MICU3: variants seen among roughly 807,000 people sequenced by gnomAD.
MICU3 encodes calcium uptake protein 3, mitochondrial.
In MICU3, 62 loss-of-function variants were observed where a neutral mutation model predicts 66.5. That is an observed-to-expected ratio of 0.93 (90% CI 0.76 to 1.15). MICU3 has a LOEUF of 1.15. MICU3 is among the 50% of genes most tolerant of loss of function. The probability of loss-of-function intolerance (pLI) is 0.00; values close to 1 mark genes in which losing one functional copy is unlikely to be tolerated. For synonymous variants in MICU3, 308 were observed against 240.7 expected, an observed-to-expected ratio of 1.28 and a Z score of -2.59; for missense variants, 779 against 664.4, an observed-to-expected ratio of 1.17 and a Z score of -1.90.
chr8:17,061,274 A>T (rs1429869472), intron 1 of MICU3, among the ~76,000 whole-genome samples: 1 of 152,172 alleles, frequency 6.6e-6, no homozygotes, highest in African/African-American at 2.4e-5. Flanking sequence ...GGTGGATCAC[A>T]TTCCCAGCTG....
At chr8:17,085,640 G>A (rs1199181114) in intron 6 of MICU3, among the ~76,000 whole-genome samples, 1 of 151,994 alleles carries the variant, frequency 6.6e-6, no homozygotes, top group Non-Finnish European at 1.5e-5. Context: ...TCCCCATTAT[G>A]TCATCCACCT....
downstream of MICU3, among the ~76,000 whole-genome samples, chr8:17,127,130 A>G (rs552523722): frequency 2.6e-5 from 4 of 152,330 alleles, no homozygotes; most frequent in African/African-American, 9.6e-5. Context: ...AGTGTATGCT[A>G]TATCATGCTT....
chr8:17,075,065 G>A (rs1490876514), intron 3 of MICU3, among the ~76,000 whole-genome samples: 1 of 152,092 alleles, frequency 6.6e-6, no homozygotes, highest in Non-Finnish European at 1.5e-5. Flanking sequence ...AGAAAATGCA[G>A]TACCTATGGT....
chr8:17,031,311 A>C (rs1188065306), intron 1 of MICU3, among the ~76,000 whole-genome samples: 4 of 115,228 alleles, frequency 3.5e-5, no homozygotes, highest in African/African-American at 1.3e-4. Context: ...ATTTTGAGAC[A>C]TAGCATCGCT....
chr8:17,102,593 C>T (rs1801362394), intron 9 of MICU3: 1 of 151,918 alleles, frequency 6.6e-6, no homozygotes, highest in Non-Finnish European at 1.5e-5. Flanking sequence ...ACTTAAAGTT[C>T]TGGGGACAGT....
At chr8:17,102,305 A>G (rs1036099831) in intron 9 of MICU3, 1 of 151,924 alleles carries the variant, frequency 6.6e-6, no homozygotes, top group Non-Finnish European at 1.5e-5. Flanking sequence ...TTAAGCGGAT[A>G]ATAAGTAAGA....
At chr8:17,138,172 T>C in the MICU3 span, among the ~76,000 whole-genome samples, 3 of 152,152 alleles carry the variant, frequency 2.0e-5, no homozygotes, top group Non-Finnish European at 2.9e-5. Flanking sequence ...AGAGTTATGA[T>C]GTCTGATCTG....
At chr8:17,073,142 T>C (rs1302113150) in intron 3 of MICU3, among the ~76,000 whole-genome samples, 1 of 152,154 alleles carries the variant, frequency 6.6e-6, no homozygotes, top group Non-Finnish European at 1.5e-5. Context: ...TGGCAATACC[T>C]AATAATGTTG....
At chr8:17,059,992 G>T (rs1373915610) in intron 1 of MICU3, among the ~76,000 whole-genome samples, 2 of 152,270 alleles carry the variant, frequency 1.3e-5, no homozygotes, top group African/African-American at 4.8e-5. Context: ...AGTTTACCTT[G>T]AATAGAAAAT....
the MICU3 span, among the ~76,000 whole-genome samples, chr8:17,136,916 C>T: frequency 1.3e-5 from 2 of 151,254 alleles, no homozygotes; most frequent in Non-Finnish European, 2.9e-5. Flanking sequence ...CTCACTGCAA[C>T]CTCCACCTCC....
chr8:17,073,026 GAC>G (rs1819839167), intron 3 of MICU3, among the ~76,000 whole-genome samples: 1 of 152,002 alleles, frequency 6.6e-6, no homozygotes, highest in African/African-American at 2.4e-5. Flanking sequence ...GAGTAGCTGG[GAC>G]CACAGGCACA....
chr8:17,064,152 T>C lies in MICU3; in HGVS notation c.450T>C (p.Arg150=). The C allele has an allele frequency of 6.2e-7, 1 of 1,613,356 alleles. No homozygotes were observed. Among genetic ancestry groups the C allele is most frequent in the African/African-American group, 1.3e-5 (1 of 75,028 alleles). Residue 150 remains arginine, a synonymous_variant, in exon 2 of 15, where the codon CGT becomes CGC. Coordinates refer to ENST00000318063, the MANE Select transcript of MICU3 (RefSeq NM_181723.3). The stretch of plus-strand genomic sequence containing the variant: ...CCACATCTCGGGAGAGGCGATTTCG[T>C]TTATTTGCTTCTATAGAATGTGAAG... ...LYATSRERRF[R]LFASIECEGQ...
At chr8:17,033,765 AAAGT>A (rs1812487933) in intron 1 of MICU3, among the ~76,000 whole-genome samples, 1 of 152,150 alleles carries the variant, frequency 6.6e-6, no homozygotes, top group Non-Finnish European at 1.5e-5. Flanking sequence ...AAAGTTGTGA[AAAGT>A]AAGGAAGCTG....
intron 1 of MICU3, 102 bp from the exon 2 acceptor site, chr8:17,063,982 C>T (rs1044199048): frequency 4.1e-6 from 3 of 727,682 alleles, no homozygotes; most frequent in Admixed American, 5.9e-5. Flanking sequence ...TTTCACACTT[C>T]CTCATTTACT....
At position 17,042,931 on chromosome 8, in the gene MICU3, A is replaced by ATTTTTTTT. The variant is rs996846253; in HGVS notation, c.381+15290_381+15297dup. On this transcript the variant is annotated intron_variant, in intron 1 of 14. Transcript: ENST00000318063. ...AAACTGCTTGTAGCAATTCAAAGTG[A>ATTTTTTTT]TTTTTTTTTTTTTTTTTTTTTTTTT... Among the ~76,000 whole-genome samples, 494 of 82,152 alleles carry ATTTTTTTT rather than the reference A, an allele frequency of 6.0e-3. 110 individuals carry two copies. Among genetic ancestry groups the ATTTTTTTT allele is most frequent in the African/African-American group, 0.027 (475 of 17,328 alleles). The allele number at this position is 82,152 out of a possible 152,430, so 53.9% of individuals were successfully genotyped here.
Position 17,027,505 on chromosome 8 carries a change from G to C in MICU3, c.226G>C (p.Gly76Arg). Residue 76 changes from glycine (G) to arginine (R), a missense_variant, in exon 1 of 15, where the codon GGG becomes CGG. Physicochemically the swap from Gly to Arg is moderately radical, Grantham distance 125. Transcript: ENST00000318063. ...GAGCGTGGCGGCGGCGGCCGGCGGG[G>C]GGCTGGTCGGCCTGGTATGCTACCA... ...ELSVAAAAGG[G>R]LVGLVCYQLY... 1 of 1,283,622 alleles carries C rather than the reference G, an allele frequency of 7.8e-7. No homozygotes were observed. The highest frequency in any genetic ancestry group is 4.2e-5 in the Admixed American group (1 of 23,920). The allele number at this position is 1,283,622 out of a possible 1,614,324, so 79.5% of individuals were successfully genotyped here.
intron 2 of MICU3, 45 bp from the exon 3 acceptor site, chr8:17,069,643 C>A: frequency 1.6e-6 from 2 of 1,213,456 alleles, no homozygotes; most frequent in South Asian, 2.8e-5. Context: ...ATATATATTC[C>A]ATGAAGTATT....
At chr8:17,047,226 C>T (rs1815239460) in intron 1 of MICU3, among the ~76,000 whole-genome samples, 1 of 152,156 alleles carries the variant, frequency 6.6e-6, no homozygotes, top group Non-Finnish European at 1.5e-5. Flanking sequence ...TAAATATAGC[C>T]ATTGGAGGCC....
intron 1 of MICU3, among the ~76,000 whole-genome samples, chr8:17,034,981 G>C (rs1234174505): frequency 2.0e-5 from 3 of 152,202 alleles, no homozygotes; most frequent in African/African-American, 7.2e-5. Context: ...TGTCATGAGA[G>C]GGACCCAGTG....
Sources: gnomAD v4.1 joint callset for allele counts (sites outside exome capture counted in the v4.1 genomes callset) on GRCh38, gnomAD v4.1.1 for gene constraint, MANE v1.5 for transcripts, NCBI Gene and HGNC (gene_info 2026-07-23, HGNC 2026-07-21) for gene names.